Variants in FRMD3 observed in about 807,000 individuals in gnomAD.
FRMD3 encodes the protein FERM domain-containing protein 3.
Under a neutral mutation model 70.2 loss-of-function variants are expected in FRMD3, and 33 were observed. The observed-to-expected ratio is 0.47, with a 90% confidence interval of 0.36 to 0.63. FRMD3 has a LOEUF of 0.63. Among genes scored for constraint, FRMD3 ranks in the 20% least tolerant of loss-of-function variants. FRMD3 has a pLI of 0.00. For missense variants in FRMD3, 632 were observed against 711.4 expected, an observed-to-expected ratio of 0.89 and a Z score of 1.27; for synonymous variants, 279 against 255.9, an observed-to-expected ratio of 1.09 and a Z score of -0.86.
At chr9:83,522,793 G>A (rs992669408) in intron 1 of FRMD3, among the ~76,000 whole-genome samples, 3 of 151,880 alleles carry the variant, frequency 2.0e-5, no homozygotes, top group African/African-American at 7.3e-5. Context: ...TCGATCTCCT[G>A]ACCTCTTAAT....
upstream of FRMD3, among the ~76,000 whole-genome samples, chr9:83,541,512 G>A (rs1259910759): frequency 6.6e-6 from 1 of 152,192 alleles, no homozygotes; most frequent in Admixed American, 6.5e-5. Context: ...CCCTGAGGGG[G>A]CATCCACCAA....
intron 13 of FRMD3, among the ~76,000 whole-genome samples, chr9:83,272,453 C>G (rs1311528197): frequency 1.3e-5 from 2 of 152,004 alleles, no homozygotes; most frequent in African/African-American, 2.4e-5. Flanking sequence ...TCCCCGCTCG[C>G]TACAACCTCC....
chr9:83,319,110 T>A (rs1294483775), intron 6 of FRMD3, among the ~76,000 whole-genome samples: 1 of 152,168 alleles, frequency 6.6e-6, no homozygotes, highest in Non-Finnish European at 1.5e-5. Flanking sequence ...GTTTACTCTG[T>A]TAATTATTTC....
At chr9:83,282,698 G>A (rs1236548415) in intron 13 of FRMD3, among the ~76,000 whole-genome samples, 1 of 152,164 alleles carries the variant, frequency 6.6e-6, no homozygotes, top group African/African-American at 2.4e-5. Flanking sequence ...CTGGCTGCTT[G>A]GCAGAGGAGC....
intron 6 of FRMD3, among the ~76,000 whole-genome samples, chr9:83,324,790 T>C (rs942643577): frequency 3.3e-5 from 5 of 152,186 alleles, no homozygotes; most frequent in Admixed American, 6.5e-5. Context: ...AAGAGAAAAA[T>C]AACTTGCTCA....
chr9:83,498,494 A>G (rs1364414549), intron 1 of FRMD3, among the ~76,000 whole-genome samples: 1 of 152,214 alleles, frequency 6.6e-6, no homozygotes, highest in Non-Finnish European at 1.5e-5. Flanking sequence ...CAAGTAGTTC[A>G]TGTGCTCCCC....
Position 83,343,304 on chromosome 9 carries a change from G to A in FRMD3, c.375-17C>T, listed in dbSNP as rs376858363. On this transcript the variant is annotated splice_polypyrimidine_tract_variant and intron_variant, in intron 4 of 13. Coordinates refer to ENST00000304195, the MANE Select transcript of FRMD3 (RefSeq NM_174938.6). ...AAAAGGTATCTGCAATACAAAAGGA[G>A]AAATGGTCACTCTAACTTTTGGCTG... 2.6e-6 allele frequency: 4 copies of A among 1,544,052 alleles called. No individual in the cohort carries two copies. In the African/African-American group the frequency reaches 4.1e-5, roughly 16 times the overall value.
Position 83,245,247 on chromosome 9 carries a change from A to ACTTG in FRMD3, c.*2667_*2670dup. On this transcript the variant is annotated 3_prime_UTR_variant, in exon 14 of 14. Transcript: ENST00000304195. ...ATATGGAATATACATATACTCACAC[A>ACTTG]CTTGCTTTAAACTCTATATCTCACT... 1.0e-6 allele frequency: 1 copy of ACTTG among 985,050 alleles called. No individual in the cohort carries two copies. The highest frequency in any genetic ancestry group is 1.2e-6 in the Non-Finnish European group (1 of 829,588). The allele number at this position is 985,050 out of a possible 1,614,324, so 61.0% of individuals were successfully genotyped here.
intron 1 of FRMD3, among the ~76,000 whole-genome samples, chr9:83,475,671 A>G (rs1828379054): frequency 6.6e-6 from 1 of 152,226 alleles, no homozygotes; most frequent in South Asian, 2.1e-4. Flanking sequence ...TTTTCAAAAC[A>G]TATTTATAAT....
At chr9:83,512,697 C>T (rs907092867) in intron 1 of FRMD3, among the ~76,000 whole-genome samples, 3 of 152,208 alleles carry the variant, frequency 2.0e-5, no homozygotes, top group Admixed American at 6.5e-5. Flanking sequence ...GGCCAGCACT[C>T]CCTTCCCCTT....
the FRMD3 span, among the ~76,000 whole-genome samples, chr9:83,546,203 A>G: frequency 6.6e-6 from 1 of 152,162 alleles, no homozygotes; most frequent in Non-Finnish European, 1.5e-5. Flanking sequence ...CCAAAAATAC[A>G]AAAATTAGCC....
intron 1 of FRMD3, among the ~76,000 whole-genome samples, chr9:83,406,829 GT>G (rs2131330312): frequency 6.6e-6 from 1 of 152,248 alleles, no homozygotes; most frequent in African/African-American, 2.4e-5. Context: ...AAGTTGCTGG[GT>G]TTTATTTTGT....
At chr9:83,434,865 C>T (rs1030661225) in intron 1 of FRMD3, among the ~76,000 whole-genome samples, 4 of 122,072 alleles carry the variant, frequency 3.3e-5, no homozygotes, top group Admixed American at 1.1e-4. Flanking sequence ...CTGGCTCTGT[C>T]ACCCAGGCTG....
At chr9:83,575,384 A>T in the FRMD3 span, among the ~76,000 whole-genome samples, 1 of 152,098 alleles carries the variant, frequency 6.6e-6, no homozygotes, top group African/African-American at 2.4e-5. Context: ...TTCAGGCAAC[A>T]TGATGTCAAA....
At chr9:83,422,386 C>T (rs1446079941) in intron 1 of FRMD3, among the ~76,000 whole-genome samples, 4 of 152,206 alleles carry the variant, frequency 2.6e-5, no homozygotes, top group Non-Finnish European at 5.9e-5. Context: ...CCCCTTCCCA[C>T]TCTTAGGTTA....
intron 1 of FRMD3, among the ~76,000 whole-genome samples, chr9:83,475,099 C>G (rs1306334118): frequency 2.0e-5 from 3 of 151,878 alleles, no homozygotes; most frequent in Admixed American, 1.3e-4. Flanking sequence ...TTACAGTGCC[C>G]AACATTCAAT....
chr9:83,393,939 TG>T (rs781205853), intron 1 of FRMD3, among the ~76,000 whole-genome samples: 242 of 89,096 alleles, frequency 2.7e-3, no homozygotes, highest in Non-Finnish European at 4.0e-3. Context: ...TGTTTTTTTT[TG>T]TTGTTGTTGT....
chr9:83,325,346 A>C (rs1024836362), intron 6 of FRMD3, among the ~76,000 whole-genome samples: 1 of 152,126 alleles, frequency 6.6e-6, no homozygotes, highest in Admixed American at 6.6e-5. Context: ...CGTTTATTTG[A>C]GGCAGGGTCT....
chr9:83,365,928 T>A (rs1176177483), intron 3 of FRMD3, among the ~76,000 whole-genome samples: 1 of 152,068 alleles, frequency 6.6e-6, no homozygotes, highest in East Asian at 1.9e-4. Context: ...TCTAGAGACT[T>A]GCATCCTAAG....
Sources: gnomAD v4.1 joint callset for allele counts (sites outside exome capture counted in the v4.1 genomes callset) on GRCh38, gnomAD v4.1.1 for gene constraint, MANE v1.5 for transcripts, NCBI Gene and HGNC (gene_info 2026-07-23, HGNC 2026-07-21) for gene names.